The following GCM1 variants were observed in gnomAD, a reference collection of about 807,000 sequenced individuals.
The protein encoded by GCM1 is chorion-specific transcription factor GCMa.
Under a neutral mutation model 25.7 loss-of-function variants are expected in GCM1, and 2 were observed. The observed-to-expected ratio is 0.08, with a 90% CI of 0.03 to 0.24. GCM1 has a LOEUF of 0.24. Ranked by LOEUF, GCM1 falls within the 10% of genes least tolerant of loss-of-function variation. The pLI is 1.00. For missense variants in GCM1, 395 were observed against 538.7 expected (o/e 0.73, Z 2.64); for synonymous variants, 183 against 195.7 (o/e 0.94, Z 0.54).
intron 5 of GCM1, 88 bp downstream of exon 5, chr6:53,130,715 C>G (rs1241933143): frequency 9.2e-7 from 1 of 1,081,360 alleles, no homozygotes; most frequent in South Asian, 1.6e-5. Flanking sequence ...GGCTTTCCTG[C>G]GTCAGCAAGG....
At chr6:53,147,941 T>C (rs925773988) in intron 1 of GCM1, among the ~76,000 whole-genome samples, 9 of 152,186 alleles carry the variant, frequency 5.9e-5, no homozygotes, top group African/African-American at 2.2e-4. Flanking sequence ...ATAAATAAAG[T>C]TCTTGACCAT....
At chr6:53,132,628 C>T (rs555563041) in intron 3 of GCM1, among the ~76,000 whole-genome samples, 297 of 152,322 alleles carry the variant, frequency 1.9e-3, no homozygotes, top group African/African-American at 6.9e-3. Context: ...AGGAGAATCG[C>T]TTGAACCTGG....
At chr6:53,135,788 C>T (rs1449578274) in intron 2 of GCM1, among the ~76,000 whole-genome samples, 2 of 152,028 alleles carry the variant, frequency 1.3e-5, no homozygotes, top group African/African-American at 4.8e-5. Flanking sequence ...AAAGCACAGC[C>T]CACAACATAA....
chr6:53,139,227 G>GA (rs985437586), intron 2 of GCM1, among the ~76,000 whole-genome samples: 14 of 151,406 alleles, frequency 9.2e-5, no homozygotes, highest in Admixed American at 2.6e-4. Flanking sequence ...TGGAAAACAG[G>GA]AAAAAAAACC....
At chr6:53,138,598 A>G (rs1276073062) in intron 2 of GCM1, among the ~76,000 whole-genome samples, 1 of 152,206 alleles carries the variant, frequency 6.6e-6, no homozygotes, top group Admixed American at 6.5e-5. Flanking sequence ...AATCCCCACA[A>G]AATACTTTCT....
intron 2 of GCM1, among the ~76,000 whole-genome samples, chr6:53,140,665 G>T (rs931454604): frequency 6.6e-6 from 1 of 152,130 alleles, no homozygotes. Flanking sequence ...GCTGGCTGTG[G>T]TGCTATTGGC....
intron 2 of GCM1, among the ~76,000 whole-genome samples, chr6:53,140,549 T>A (rs1001362619): frequency 3.9e-4 from 28 of 72,490 alleles, no homozygotes; most frequent in South Asian, 5.2e-4. Flanking sequence ...AAAAAAAAAG[T>A]ACTTAAACCT....
At position 53,128,004 on chromosome 6, in the gene GCM1, G is replaced by T; in HGVS notation, c.*202C>A. 3.4e-6 allele frequency: 1 copy of T among 297,146 alleles called. No homozygotes were observed. Among genetic ancestry groups the T allele is most frequent in the Non-Finnish European group, 5.4e-6 (1 of 186,090 alleles). The allele number at this position is 297,146 out of a possible 1,614,324, so 18.4% of individuals were successfully genotyped here. A position where few individuals can be genotyped will look rare whatever the true frequency, so the allele number is the denominator to read the frequency against. On this transcript the variant is annotated 3_prime_UTR_variant, in exon 6 of 6. Transcript: ENST00000259803. ...AGATGGCGCCACTGCATTCCTGCCTGGGCAAAAGAGCAAGACTCTGTCTCA... is the reference window on the plus strand; with the variant it reads ...AGATGGCGCCACTGCATTCCTGCCTTGGCAAAAGAGCAAGACTCTGTCTCA...
In GCM1 at chr6:53,127,054, A is replaced by G. The variant is rs1763650374; in HGVS notation, c.*1152T>C. 1 of 152,214 alleles carries G rather than the reference A, an allele frequency of 6.6e-6. No individual in the cohort carries two copies. The highest frequency in any genetic ancestry group is 1.5e-5 in the Non-Finnish European group (1 of 68,044). 9.4% of individuals were successfully genotyped at this position (152,214 alleles called of 1,614,324 possible). A position where few individuals can be genotyped will look rare whatever the true frequency, so the allele number is the denominator to read the frequency against. On this transcript the variant is annotated 3_prime_UTR_variant, in exon 6 of 6. Coordinates refer to ENST00000259803, the MANE Select transcript of GCM1 (RefSeq NM_003643.4). ...TAAAGTACTTCAGCAAAGAAGAGAA[A>G]CTGGCATTCAAACATGGCCGGCCAA...
intron 5 of GCM1, among the ~76,000 whole-genome samples, chr6:53,129,979 G>A (rs1391456749): frequency 6.6e-6 from 1 of 152,188 alleles, no homozygotes; most frequent in Non-Finnish European, 1.5e-5. Context: ...TTAGGGGGTA[G>A]AGAAAAAGGG....
At chr6:53,141,193 T>C (rs1314316046) in intron 2 of GCM1, among the ~76,000 whole-genome samples, 3 of 152,186 alleles carry the variant, frequency 2.0e-5, no homozygotes, top group Non-Finnish European at 2.9e-5. Context: ...GAAGTTAACA[T>C]AGCTTAATGG....
chr6:53,146,095 T>G (rs1212437221), intron 1 of GCM1, among the ~76,000 whole-genome samples: 2 of 151,884 alleles, frequency 1.3e-5, no homozygotes, highest in African/African-American at 2.4e-5. Flanking sequence ...GGCTTGGAGT[T>G]GTTTCCATAG....
At chr6:53,129,105 C>A (rs1375620433) in intron 5 of GCM1, among the ~76,000 whole-genome samples, 159 bp from the exon 6 acceptor site, 1 of 152,118 alleles carries the variant, frequency 6.6e-6, no homozygotes, top group Middle Eastern at 3.2e-3. Context: ...AGCGGCTTGA[C>A]CACAACCACG....
At chr6:53,136,615 G>A (rs748453612) in intron 2 of GCM1, among the ~76,000 whole-genome samples, 1 of 152,146 alleles carries the variant, frequency 6.6e-6, no homozygotes, top group Non-Finnish European at 1.5e-5. Context: ...CTGGCTTTTG[G>A]GAGAGAGAAG....
chr6:53,138,124 A>T (rs1341118794), intron 2 of GCM1, among the ~76,000 whole-genome samples: 2 of 152,064 alleles, frequency 1.3e-5, no homozygotes, highest in Non-Finnish European at 2.9e-5. Context: ...TCTATCAAAA[A>T]TACAAAAATT....
At chr6:53,137,302 C>T (rs1481274212) in intron 2 of GCM1, among the ~76,000 whole-genome samples, 1 of 152,168 alleles carries the variant, frequency 6.6e-6, no homozygotes, top group Admixed American at 6.5e-5. Context: ...AGACTCAATG[C>T]CCGGGGTGAG....
intron 2 of GCM1, among the ~76,000 whole-genome samples, chr6:53,143,069 C>G (rs552897384): frequency 6.6e-6 from 1 of 152,150 alleles, no homozygotes; most frequent in Admixed American, 6.5e-5. Flanking sequence ...GATGACAAAG[C>G]TAGCATTAAA....
At chr6:53,137,321 C>T (rs1165204693) in intron 2 of GCM1, among the ~76,000 whole-genome samples, 3 of 152,146 alleles carry the variant, frequency 2.0e-5, no homozygotes, top group Non-Finnish European at 2.9e-5. Flanking sequence ...AGAGAAGCTC[C>T]CCAGGCAGCA....
intron 2 of GCM1, among the ~76,000 whole-genome samples, chr6:53,145,194 G>A (rs767846128): frequency 4.6e-5 from 7 of 152,118 alleles, no homozygotes; most frequent in African/African-American, 1.2e-4. Context: ...AGCAAATAAG[G>A]TTGTATGAGG....
Sources: gnomAD v4.1 joint callset for allele counts (sites outside exome capture counted in the v4.1 genomes callset) on GRCh38, gnomAD v4.1.1 for gene constraint, MANE v1.5 for transcripts, NCBI Gene and HGNC (gene_info 2026-07-23, HGNC 2026-07-21) for gene names.